Variants in PRKD1 observed in about 807,000 individuals in gnomAD.
The protein encoded by PRKD1 is protein kinase D1, also known as serine/threonine-protein kinase D1.
A neutral mutation model predicts 95.9 loss-of-function variants in PRKD1; 63 were observed. The observed-to-expected ratio is 0.66, with a 90% CI of 0.54 to 0.81. The LOEUF (loss-of-function observed/expected upper bound fraction) is 0.81. Among genes scored for constraint, PRKD1 ranks in the 30% least tolerant of loss-of-function variants. PRKD1 has a pLI of 0.00. For synonymous variants in PRKD1, 425 were observed against 423.1 expected (o/e 1.00, Z -0.05); for missense variants, 1,048 against 1,165.3 (o/e 0.90, Z 1.47).
At chr14:29,728,599 T>TTTGGGTTC (rs1162433621) in intron 1 of PRKD1, among the ~76,000 whole-genome samples, 4 of 152,180 alleles carry the variant, frequency 2.6e-5, no homozygotes, top group African/African-American at 9.7e-5. Context: ...CATACATACA[T>TTTGGGTTC]TTGGGTTCTT....
chr14:29,872,352 T>C (rs1893136902), intron 1 of PRKD1, among the ~76,000 whole-genome samples: 1 of 152,208 alleles, frequency 6.6e-6, no homozygotes, highest in Non-Finnish European at 1.5e-5. Flanking sequence ...AGCTCACTGC[T>C]CTGACTCAAA....
intron 1 of PRKD1, among the ~76,000 whole-genome samples, chr14:29,794,001 C>T (rs905514409): frequency 4.0e-5 from 6 of 151,874 alleles, no homozygotes; most frequent in African/African-American, 1.2e-4. Context: ...TTAAATCAAG[C>T]GTATTAGCCG....
At chr14:29,679,004 A>G (rs925445406) in intron 2 of PRKD1, among the ~76,000 whole-genome samples, 1 of 152,236 alleles carries the variant, frequency 6.6e-6, no homozygotes, top group Non-Finnish European at 1.5e-5. Context: ...GTTAATCAGA[A>G]GGCCACAGGG....
In PRKD1 at chr14:29,666,111, C is replaced by G. The variant is rs1298237563; in HGVS notation, c.501G>C (p.Leu167=). Residue 167 remains leucine (L), a synonymous_variant, in exon 3 of 18, where the codon CTG becomes CTC. Coordinates refer to ENST00000331968, the MANE Select transcript of PRKD1 (RefSeq NM_002742.3). ...PAFCDHCGEM[L]WGLVRQGLKC... ...TAAGACCTTGACGTACCAGCCCCCA[C>G]AGCATTTCTCCACAGTGATCACAGA... The G allele has an allele frequency of 6.2e-7, 1 of 1,602,246 alleles. No homozygotes were observed. The highest frequency in any genetic ancestry group is 2.2e-5 in the East Asian group (1 of 44,766).
chr14:29,805,223 G>C (rs1890187221), intron 1 of PRKD1, among the ~76,000 whole-genome samples: 2 of 152,166 alleles, frequency 1.3e-5, no homozygotes, highest in Non-Finnish European at 2.9e-5. Context: ...GCAAGATGTT[G>C]AACTCCATTA....
intron 13 of PRKD1, among the ~76,000 whole-genome samples, chr14:29,620,750 C>G (rs61977969): frequency 6.6e-6 from 1 of 152,150 alleles, no homozygotes; most frequent in Non-Finnish European, 1.5e-5. Context: ...AGTTCAACCA[C>G]TGTGGAAGTC....
At chr14:29,727,506 T>C (rs1594463569) in intron 1 of PRKD1, among the ~76,000 whole-genome samples, 1 of 151,642 alleles carries the variant, frequency 6.6e-6, no homozygotes, top group Admixed American at 6.6e-5. Flanking sequence ...TAGGTTTTCT[T>C]CTAGGGTTTT....
At chr14:29,815,711 A>G (rs926008392) in intron 1 of PRKD1, among the ~76,000 whole-genome samples, 3 of 152,234 alleles carry the variant, frequency 2.0e-5, no homozygotes, top group Non-Finnish European at 4.4e-5. Flanking sequence ...TGCATAGTCC[A>G]TGAAACACTT....
At chr14:29,691,962 C>A (rs1011230213) in intron 2 of PRKD1, among the ~76,000 whole-genome samples, 1 of 152,106 alleles carries the variant, frequency 6.6e-6, no homozygotes, top group African/African-American at 2.4e-5. Flanking sequence ...TAGCCTTCTT[C>A]CAGAGTTTTT....
At chr14:29,887,190 A>C (rs545259634) in intron 1 of PRKD1, among the ~76,000 whole-genome samples, 1 of 152,098 alleles carries the variant, frequency 6.6e-6, no homozygotes, top group South Asian at 2.1e-4. Context: ...TCAGGAAAAA[A>C]CCCAGAGAGC....
chr14:29,918,993 A>G (rs961358626), intron 1 of PRKD1, among the ~76,000 whole-genome samples: 1 of 152,204 alleles, frequency 6.6e-6, no homozygotes, highest in Non-Finnish European at 1.5e-5. Context: ...ATATGCGGGG[A>G]AAAGTGGCTG....
chr14:29,693,517 A>C (rs1029802255), intron 2 of PRKD1, among the ~76,000 whole-genome samples: 1 of 151,982 alleles, frequency 6.6e-6, no homozygotes, highest in African/African-American at 2.4e-5. Context: ...GAAAGTTTGA[A>C]TGACCTTGTA....
chr14:29,894,481 A>T (rs1284806684), intron 1 of PRKD1, among the ~76,000 whole-genome samples: 1 of 152,228 alleles, frequency 6.6e-6, no homozygotes, highest in African/African-American at 2.4e-5. Context: ...GGATGGGGAC[A>T]TATGGAGAAT....
intron 2 of PRKD1, among the ~76,000 whole-genome samples, chr14:29,682,266 T>C (rs1316597113): frequency 6.6e-6 from 1 of 152,174 alleles, no homozygotes; most frequent in African/African-American, 2.4e-5. Flanking sequence ...CTTATTTACT[T>C]AGCATCAGTT....
At chr14:29,793,359 C>T (rs1237656105) in intron 1 of PRKD1, among the ~76,000 whole-genome samples, 1 of 151,820 alleles carries the variant, frequency 6.6e-6, no homozygotes, top group Non-Finnish European at 1.5e-5. Flanking sequence ...ACCAAAGAAA[C>T]ACTTCATCTG....
intron 1 of PRKD1, among the ~76,000 whole-genome samples, chr14:29,838,572 A>G (rs1028878517): frequency 1.3e-5 from 2 of 152,180 alleles, no homozygotes; most frequent in African/African-American, 4.8e-5. Context: ...TCTGTATGAT[A>G]CCCATATTTG....
chr14:29,679,204 T>G (rs1242981863), intron 2 of PRKD1, among the ~76,000 whole-genome samples: 3 of 152,204 alleles, frequency 2.0e-5, no homozygotes, highest in Non-Finnish European at 4.4e-5. Context: ...AGATTAAACA[T>G]GTACCATATG....
intron 9 of PRKD1, among the ~76,000 whole-genome samples, chr14:29,631,409 A>G (rs1288573465): frequency 6.6e-6 from 1 of 152,134 alleles, no homozygotes; most frequent in Non-Finnish European, 1.5e-5. Flanking sequence ...ATTTTAACCT[A>G]TTCTTTAAGG....
chr14:29,622,396 C>T (rs1036495376), intron 13 of PRKD1, among the ~76,000 whole-genome samples: 1 of 144,642 alleles, frequency 6.9e-6, no homozygotes, highest in Non-Finnish European at 1.5e-5. Flanking sequence ...TTCTTTCCTT[C>T]CTTCTGTTTT....
Sources: allele counts gnomAD v4.1 joint callset (sites outside exome capture counted in the v4.1 genomes callset), GRCh38; gene constraint gnomAD v4.1.1; transcripts MANE v1.5; gene names NCBI Gene and HGNC (gene_info 2026-07-23, HGNC 2026-07-21).